OPCML: variants seen among roughly 807,000 people sequenced by gnomAD.
The protein encoded by OPCML is opioid-binding protein/cell adhesion molecule.
Under a neutral mutation model 37.8 loss-of-function variants are expected in OPCML, and 13 were observed. The ratio of observed to expected loss-of-function variants is 0.34; its 90% confidence interval spans 0.22 to 0.55. OPCML has a LOEUF of 0.55. OPCML is among the 20% of genes least tolerant of loss of function. OPCML has a pLI of 0.91. For synonymous variants in OPCML, 176 were observed against 168.8 expected (o/e 1.04, Z -0.33); for missense variants, 341 against 435.6 (o/e 0.78, Z 1.93).
chr11:132,828,882 C>A (rs1212131097), intron 2 of OPCML, among the ~76,000 whole-genome samples: 1 of 152,188 alleles, frequency 6.6e-6, no homozygotes, highest in East Asian at 1.9e-4. Flanking sequence ...TGGCCGTGGG[C>A]TGGACACTGT....
At chr11:133,484,082 ATTC>A (rs1947472069) in intron 1 of OPCML, among the ~76,000 whole-genome samples, 2 of 150,964 alleles carry the variant, frequency 1.3e-5, no homozygotes, top group Non-Finnish European at 3.0e-5. Context: ...AGATAGATAG[ATTC>A]ATAGATGAAT....
At chr11:132,577,795 C>T (rs2096454124) in intron 3 of OPCML, among the ~76,000 whole-genome samples, 1 of 152,034 alleles carries the variant, frequency 6.6e-6, no homozygotes, top group Admixed American at 6.6e-5. Flanking sequence ...TACAATCAAC[C>T]CATGATTTAG....
intron 1 of OPCML, among the ~76,000 whole-genome samples, chr11:133,140,917 GAA>G (rs1423943724): frequency 2.2e-4 from 5 of 22,948 alleles, no homozygotes; most frequent in African/African-American, 3.9e-4. Context: ...CGAAGAAGAA[GAA>G]GACGACGACG....
At chr11:133,144,280 CCACCTGCCTGCA>C (rs1394702094) in intron 1 of OPCML, among the ~76,000 whole-genome samples, 5 of 152,262 alleles carry the variant, frequency 3.3e-5, no homozygotes, top group Non-Finnish European at 5.9e-5. Flanking sequence ...GCACTCCCTG[CCACCTGCCTGCA>C]CAGGCCCTGA....
intron 1 of OPCML, among the ~76,000 whole-genome samples, chr11:133,411,681 A>G (rs1037727837): frequency 6.6e-6 from 1 of 152,154 alleles, no homozygotes; most frequent in Non-Finnish European, 1.5e-5. Flanking sequence ...AGGGGTGGCC[A>G]AATATCCTCA....
intron 2 of OPCML, among the ~76,000 whole-genome samples, chr11:132,828,691 AC>A (rs1445025391): frequency 4.6e-5 from 7 of 152,348 alleles, no homozygotes; most frequent in South Asian, 4.1e-4. Context: ...CAAATGACAA[AC>A]TTTTGGGTAT....
chr11:132,525,813 A>G (rs1353609024), intron 4 of OPCML: 1 of 152,260 alleles, frequency 6.6e-6, no homozygotes, highest in Non-Finnish European at 1.5e-5. Flanking sequence ...CCCGTCACCT[A>G]CATTAGGTAT....
chr11:132,766,534 A>G (rs1441840464), intron 2 of OPCML, among the ~76,000 whole-genome samples: 1 of 152,212 alleles, frequency 6.6e-6, no homozygotes, highest in Non-Finnish European at 1.5e-5. Flanking sequence ...GGAACCTCAC[A>G]TAGTAGAAGG....
At chr11:133,350,028 C>T (rs1397739127) in intron 1 of OPCML, among the ~76,000 whole-genome samples, 2 of 152,154 alleles carry the variant, frequency 1.3e-5, no homozygotes, top group African/African-American at 4.8e-5. Flanking sequence ...CAGAGGAGCC[C>T]ACAGAGCCTT....
intron 1 of OPCML, among the ~76,000 whole-genome samples, chr11:133,204,749 C>A (rs1234956322): frequency 1.3e-5 from 2 of 151,680 alleles, no homozygotes; most frequent in African/African-American, 2.4e-5. Flanking sequence ...TTTACTGTAG[C>A]TGTTATTTCT....
intron 1 of OPCML, among the ~76,000 whole-genome samples, chr11:133,158,278 G>C (rs147577945): frequency 1.3e-5 from 2 of 152,032 alleles, no homozygotes; most frequent in Admixed American, 6.6e-5. Context: ...TTGTGTTTCC[G>C]AACAAAATAT....
At chr11:132,666,553 G>A (rs1942231765) in intron 2 of OPCML, among the ~76,000 whole-genome samples, 1 of 152,240 alleles carries the variant, frequency 6.6e-6, no homozygotes, top group Non-Finnish European at 1.5e-5. Context: ...TGTAGGGGTG[G>A]CATGGGCAAG....
intron 3 of OPCML, among the ~76,000 whole-genome samples, chr11:132,635,536 A>C (rs1411511997): frequency 6.6e-6 from 1 of 151,646 alleles, no homozygotes; most frequent in South Asian, 2.1e-4. Context: ...TTCAAGGAAA[A>C]AAAAAAAAAA....
chr11:133,340,864 G>A (rs1407129663), intron 1 of OPCML, among the ~76,000 whole-genome samples: 1 of 152,046 alleles, frequency 6.6e-6, no homozygotes, highest in Admixed American at 6.6e-5. Context: ...TGTAATTGCT[G>A]CTCCCTCTAT....
At chr11:132,683,141 G>T (rs767068809) in intron 2 of OPCML, among the ~76,000 whole-genome samples, 8 of 152,184 alleles carry the variant, frequency 5.3e-5, no homozygotes, top group Non-Finnish European at 1.0e-4. Context: ...AAGACCGAGT[G>T]TGGTGGCTCA....
chr11:133,017,809 T>C (rs1460368467), intron 1 of OPCML, among the ~76,000 whole-genome samples: 1 of 152,216 alleles, frequency 6.6e-6, no homozygotes, highest in Non-Finnish European at 1.5e-5. Context: ...ATTGGAGGAA[T>C]AGTAACATAC....
At chr11:133,303,203 G>A (rs1428749191) in intron 1 of OPCML, among the ~76,000 whole-genome samples, 1 of 152,170 alleles carries the variant, frequency 6.6e-6, no homozygotes, top group Non-Finnish European at 1.5e-5. Flanking sequence ...TGGAGCAAAA[G>A]AGGGAAAATA....
Position 132,805,219 on chromosome 11 carries a change from A to G in OPCML, c.146+137707T>C, listed in dbSNP as rs147932435. Among the ~76,000 whole-genome samples, 17 of 152,302 alleles carry G rather than the reference A, an allele frequency of 1.1e-4. No individual in the cohort carries two copies. The East Asian group carries it at 3.3e-3, about 29-fold the overall frequency. ...AGTGATTTTGAAGTCAGATAAATAG[A>G]AATTATGCAATTTTAAGAGAAGAAA... is the stretch of plus-strand genomic sequence containing the variant. On this transcript the variant is annotated intron_variant, in intron 2 of 7. Coordinates refer to ENST00000524381, the MANE Select transcript of OPCML (RefSeq NM_001012393.5).
intron 1 of OPCML, among the ~76,000 whole-genome samples, chr11:132,989,458 A>C (rs1946735396): frequency 6.6e-6 from 1 of 152,198 alleles, no homozygotes; most frequent in Admixed American, 6.5e-5. Context: ...TTAGAGACTC[A>C]TATGTATGTG....
Sources: allele counts gnomAD v4.1 joint callset (sites outside exome capture counted in the v4.1 genomes callset), GRCh38; gene constraint gnomAD v4.1.1; transcripts MANE v1.5; gene names NCBI Gene and HGNC (gene_info 2026-07-23, HGNC 2026-07-21).